Variants in HSD17B4 observed in about 807,000 individuals in gnomAD.
The protein encoded by HSD17B4 is peroxisomal multifunctional enzyme type 2.
HSD17B4 carries 70 observed loss-of-function variants against 101.0 expected under a neutral mutation model. The observed-to-expected ratio is 0.69, with a 90% CI of 0.57 to 0.85. The LOEUF is 0.85. Ranked by LOEUF, HSD17B4 falls within the 40% of genes least tolerant of loss-of-function variation. HSD17B4 has a pLI of 0.00. For synonymous variants in HSD17B4, 347 were observed against 297.1 expected (o/e 1.17, Z -1.73); for missense variants, 984 against 892.4 (o/e 1.10, Z -1.31).
At chr5:119,493,668 C>G in intron 10 of HSD17B4, 150 bp from the exon 11 acceptor site, 2 of 706,564 alleles carry the variant, frequency 2.8e-6, no homozygotes, top group Non-Finnish European at 4.7e-6. Context: ...GGGAAAAATT[C>G]ATTTTAAGGC....
chr5:119,483,568 A>G (rs1002098293), intron 8 of HSD17B4, among the ~76,000 whole-genome samples: 12 of 152,162 alleles, frequency 7.9e-5, no homozygotes, highest in Non-Finnish European at 1.6e-4. Context: ...TACCTTATTC[A>G]TGTTCCATAA....
intron 13 of HSD17B4, among the ~76,000 whole-genome samples, chr5:119,501,520 T>C (rs1481392143): frequency 6.6e-6 from 1 of 152,124 alleles, no homozygotes; most frequent in South Asian, 2.1e-4. Flanking sequence ...TATCTACTCT[T>C]TGTAGATAAT....
chr5:119,527,727 G>A (rs539351909), intron 20 of HSD17B4, among the ~76,000 whole-genome samples: 1 of 152,078 alleles, frequency 6.6e-6, no homozygotes, highest in East Asian at 1.9e-4. Flanking sequence ...ATTTTGCAGA[G>A]TTAGAGACAA....
intron 21 of HSD17B4, chr5:119,530,233 A>G: frequency 2.3e-6 from 1 of 443,644 alleles, no homozygotes; most frequent in Non-Finnish European, 4.1e-6. Flanking sequence ...TTTTAGAATA[A>G]ATAAATCAGT....
chr5:119,481,336 G>A (rs1749111589), intron 8 of HSD17B4, among the ~76,000 whole-genome samples: 1 of 152,140 alleles, frequency 6.6e-6, no homozygotes, highest in South Asian at 2.1e-4. Context: ...TCTGTTTGGG[G>A]TCCCTGACTT....
At chr5:119,460,025 C>T (rs959219310) in intron 2 of HSD17B4, among the ~76,000 whole-genome samples, 8 of 151,950 alleles carry the variant, frequency 5.3e-5, no homozygotes, top group South Asian at 2.1e-4. Flanking sequence ...TGCCTGCCAC[C>T]GTGCCCAGCT....
chr5:119,507,099 A>G (rs1195031113), intron 15 of HSD17B4, among the ~76,000 whole-genome samples: 1 of 152,216 alleles, frequency 6.6e-6, no homozygotes, highest in East Asian at 1.9e-4. Flanking sequence ...AGGGTGAGGC[A>G]TTTCATTGGA....
chr5:119,487,240 A>ATTTTTTTTT (rs5870858), intron 8 of HSD17B4: 1 of 119,088 alleles, frequency 8.4e-6, no homozygotes, highest in Non-Finnish European at 1.7e-5. Context: ...ACTCTTTTCT[A>ATTTTTTTTT]TTTTTTTTTT....
chr5:119,529,561 A>C (rs946939103), intron 20 of HSD17B4, among the ~76,000 whole-genome samples: 3 of 141,626 alleles, frequency 2.1e-5, no homozygotes, highest in African/African-American at 4.9e-5. Flanking sequence ...CTTCCCCCCC[A>C]AAAAATGCCC....
rs1462241698 is a variant in HSD17B4 at position 119,509,047 on chromosome 5, G to A, written c.1334-94G>A. The A allele has an allele frequency of 3.9e-6, 3 of 761,156 alleles. No homozygotes were observed. The Admixed American group carries it at 5.9e-5, about 15-fold the overall frequency. 47.2% of individuals were successfully genotyped at this position (761,156 alleles called of 1,614,324 possible). A position where few individuals can be genotyped will look rare whatever the true frequency, so the allele number is the denominator to read the frequency against. On this transcript the variant is annotated intron_variant, in intron 15 of 23. Coordinates refer to ENST00000510025, the MANE Select transcript of HSD17B4 (RefSeq NM_000414.4). ...CTTTCAGTAATTGGATTTTGTTTTT[G>A]AAACCTTGACAGGAATTGTTGAACC...
Position 119,499,355 on chromosome 5 carries a change from T to C in HSD17B4, c.1011T>C (p.Tyr337=), listed in dbSNP as rs2126780725. 1.2e-6 allele frequency: 2 copies of C among 1,613,864 alleles called. No individual in the cohort carries two copies. The highest frequency in any genetic ancestry group is 8.5e-7 in the Non-Finnish European group (1 of 1,179,788). Residue 337 remains tyrosine, a synonymous_variant, in exon 13 of 24, where the codon TAT becomes TAC. Coordinates refer to ENST00000510025, the MANE Select transcript of HSD17B4 (RefSeq NM_000414.4). ...AIGQKLPPFS[Y]AYTELEAIMY... The stretch of plus-strand genomic sequence containing the variant: ...GCCAGAAACTCCCTCCATTTTCTTA[T>C]GCTTATACGGAACTGGAAGCTATTA...
chr5:119,475,154 C>T (rs1350198131), intron 4 of HSD17B4, among the ~76,000 whole-genome samples: 1 of 152,000 alleles, frequency 6.6e-6, no homozygotes, highest in African/African-American at 2.4e-5. Context: ...TATCGTCTGA[C>T]AGGGATAGAA....
At position 119,536,672 on chromosome 5, in the gene HSD17B4, A is replaced by G. The variant is rs542603682; in HGVS notation, c.2121+122A>G. On this transcript the variant is annotated intron_variant, in intron 23 of 23. Transcript: ENST00000510025. ...CAGGTTTCTTACAACTCTGAAGATG[A>G]CACAGTTGCTACTGATACTCTGGTT... The G allele has an allele frequency of 8.8e-5, 77 of 870,652 alleles. No homozygotes were observed. The East Asian group carries it at 2.0e-3, about 23-fold the overall frequency. The allele number at this position is 870,652 out of a possible 1,614,324, so 53.9% of individuals were successfully genotyped here.
At position 119,494,014 on chromosome 5, in the gene HSD17B4, T is replaced by C. The variant is rs1580607368; in HGVS notation, c.868+68T>C. The stretch of plus-strand genomic sequence containing the variant: ...AGGCAGCAAGCATTTTCTTCTCTTA[T>C]GTAGTTGTCTTCTATGTTAACTGTA... On this transcript the variant is annotated intron_variant, in intron 11 of 23. Coordinates refer to ENST00000510025, the MANE Select transcript of HSD17B4 (RefSeq NM_000414.4). 3.3e-6 allele frequency: 5 copies of C among 1,514,770 alleles called. No individual in the cohort carries two copies. The South Asian group carries it at 3.4e-5, about 10-fold the overall frequency. The allele number at this position is 1,514,770 out of a possible 1,614,324, so 93.8% of individuals were successfully genotyped here.
Position 119,504,430 on chromosome 5 carries a change from C to G in HSD17B4, c.1261+2338C>G, listed in dbSNP as rs554872851. Among the ~76,000 whole-genome samples, 85 of 152,240 alleles carry G rather than the reference C, an allele frequency of 5.6e-4. 2 individuals are homozygous for G. Among genetic ancestry groups the G allele is most frequent in the East Asian group, 1.9e-4 (1 of 5,190 alleles). On this transcript the variant is annotated intron_variant, in intron 14 of 23. Coordinates refer to ENST00000510025, the MANE Select transcript of HSD17B4 (RefSeq NM_000414.4). ...ATAAATGTTCTGTTTTATCTGCAGC[C>G]TCACCAGCATCTGTTATTTTTTTGA... is the stretch of plus-strand genomic sequence containing the variant.
chr5:119,456,436 T>A lies in HSD17B4; in HGVS notation c.112+68T>A, dbSNP rs972041188. 23 of 993,886 alleles carry A rather than the reference T, an allele frequency of 2.3e-5. No individual in the cohort carries two copies. In the Middle Eastern group the frequency reaches 6.2e-4, roughly 27 times the overall value. The allele number at this position is 993,886 out of a possible 1,614,324, so 61.6% of individuals were successfully genotyped here. A position where few individuals can be genotyped will look rare whatever the true frequency, so the allele number is the denominator to read the frequency against. ...GAAATACAATCTTTACAAGCTATCT[T>A]TGTCTTTCTATCAAATAATTTGTCA... On this transcript the variant is annotated intron_variant, in intron 2 of 23. Transcript: ENST00000510025.
intron 2 of HSD17B4, among the ~76,000 whole-genome samples, chr5:119,457,946 T>G (rs1221746894): frequency 2.6e-5 from 4 of 152,204 alleles, no homozygotes. Flanking sequence ...TAAACCTGTT[T>G]TGTAAAAAAT....
Position 119,506,874 on chromosome 5 carries a change from G to A in HSD17B4, c.1318G>A (p.Val440Met), listed in dbSNP as rs1405530330. The A allele has an allele frequency of 1.3e-6, 2 of 1,551,376 alleles. No homozygotes were observed. Among genetic ancestry groups the A allele is most frequent in the Admixed American group, 1.7e-5 (1 of 59,872 alleles). The stretch of plus-strand genomic sequence containing the variant: ...TGTCCTAGATAAAGGATCCGGTGTA[G>A]TGATTATTATGGATGGTAATTTATT... ...ADVLDKGSGV[V>M]IIMDVYSYSE... is the part of the protein sequence containing the mutation. The change falls in exon 15 of 24, where the codon GTG becomes ATG. Residue 440 changes from valine (V) to methionine (M), a missense_variant. Coordinates refer to ENST00000510025, the MANE Select transcript of HSD17B4 (RefSeq NM_000414.4).
Position 119,522,961 on chromosome 5 carries a change from C to G in HSD17B4, c.1504-2255C>G, listed in dbSNP as rs1753245655. Among the ~76,000 whole-genome samples the G allele has an allele frequency of 2.0e-5, 3 of 152,200 alleles. No homozygotes were observed. The South Asian group carries it at 6.2e-4, about 32-fold the overall frequency. On this transcript the variant is annotated intron_variant, in intron 17 of 23. Transcript: ENST00000510025. Reference sequence around the variant, plus strand: ...CCCTCTTCCATGCACTGCTTTTGCACCCCCCAAGCCCTGCCACTCTGCAGT... The same window carrying G: ...CCCTCTTCCATGCACTGCTTTTGCAGCCCCCAAGCCCTGCCACTCTGCAGT...
Sources: allele counts gnomAD v4.1 joint callset (sites outside exome capture counted in the v4.1 genomes callset), GRCh38; gene constraint gnomAD v4.1.1; transcripts MANE v1.5; gene names NCBI Gene and HGNC (gene_info 2026-07-23, HGNC 2026-07-21).